The following PTGIR variants were observed in gnomAD, a reference collection of about 807,000 sequenced individuals.
The protein encoded by PTGIR is prostacyclin receptor.
PTGIR carries 16 observed loss-of-function variants against 17.6 expected under a neutral mutation model. That is an observed-to-expected ratio of 0.91 (90% CI 0.61 to 1.38). The LOEUF (loss-of-function observed/expected upper bound fraction) is 1.38. Among genes scored for constraint, PTGIR ranks in the 40% most tolerant of loss-of-function variants. The pLI is 0.00. For missense variants in PTGIR, 532 were observed against 548.6 expected, an observed-to-expected ratio of 0.97 and a Z score of 0.30; for synonymous variants, 274 against 255.4, an observed-to-expected ratio of 1.07 and a Z score of -0.69.
chr19:46,617,123 GA>G (rs1599766634), downstream of PTGIR, among the ~76,000 whole-genome samples: 1 of 152,234 alleles, frequency 6.6e-6, no homozygotes, highest in Non-Finnish European at 1.5e-5. Flanking sequence ...CGGCCTCTTT[GA>G]GGAAACCGCA....
At chr19:46,619,604 GGAAAGAAAGAAA>G (rs200994043), downstream of PTGIR, among the ~76,000 whole-genome samples, 64 of 67,246 alleles carry the variant, frequency 9.5e-4, no homozygotes, top group Non-Finnish European at 1.3e-3. Context: ...AAGAAAGAAA[GGAAAGAAAGAAA>G]GAAAGAAAGA....
In PTGIR at chr19:46,623,904, G is replaced by C. The variant is rs202233219; in HGVS notation, c.322C>G (p.Leu108Val). 2 of 1,609,360 alleles carry C rather than the reference G, an allele frequency of 1.2e-6. No individual in the cohort carries two copies. Among genetic ancestry groups the C allele is most frequent in the South Asian group, 2.2e-5 (2 of 90,520 alleles). ...AMTFFGLASMLILFAMAVERC... is the reference protein window; with the variant it reads ...AMTFFGLASMVILFAMAVERC... ...TCCACGGCCATGGCAAAGAGGATGA[G>C]CATGGACGCCAGGCCGAAGAAGGTC... Residue 108 changes from leucine to valine, a missense_variant, in exon 2 of 3, where the codon CTC becomes GTC. Leu to Val is a conservative substitution (Grantham distance 32). Coordinates refer to ENST00000291294, the MANE Select transcript of PTGIR (RefSeq NM_000960.4).
At chr19:46,619,551 G>GAAAGAAAGAAAGAAAGAA (rs1568675534), downstream of PTGIR, among the ~76,000 whole-genome samples, 7 of 66,596 alleles carry the variant, frequency 1.1e-4, no homozygotes, top group Non-Finnish European at 1.8e-4. Context: ...GAAAGAAAGA[G>GAAAGAAAGAAAGAAAGAA]AGAGAGAGAG....
At chr19:46,613,367 T>TC in the PTGIR span, among the ~76,000 whole-genome samples, 6 of 8,832 alleles carry the variant, frequency 6.8e-4, no homozygotes, top group East Asian at 3.5e-3. Context: ...TGCCCCCCCT[T>TC]CCCCCCCAGC....
At chr19:46,619,600 G>GAA (rs771737004), downstream of PTGIR, among the ~76,000 whole-genome samples, 9 of 101,746 alleles carry the variant, frequency 8.8e-5, no homozygotes, top group African/African-American at 3.7e-4. Flanking sequence ...AGAAAAGAAA[G>GAA]AAAGGAAAGA....
the PTGIR span, among the ~76,000 whole-genome samples, chr19:46,615,134 A>ACCT: frequency 6.6e-6 from 1 of 152,150 alleles, no homozygotes; most frequent in Non-Finnish European, 1.5e-5. Flanking sequence ...GGTTGCAGTG[A>ACCT]GCCGAGATTG....
At chr19:46,614,351 C>T in the PTGIR span, 1 of 982,784 alleles carries the variant, frequency 1.0e-6, no homozygotes, top group African/African-American at 1.7e-5. Flanking sequence ...AACTCCCAGG[C>T]CCAGCCCACG....
At chr19:46,619,517 GAAAGAAAGAAAGAAAGAA>G (rs1568675273), downstream of PTGIR, among the ~76,000 whole-genome samples, 25 of 64,218 alleles carry the variant, frequency 3.9e-4, 1 homozygote, top group Admixed American at 8.3e-4. Context: ...AAGAAAGAAA[GAAAGAAAGAAAGAAAGAA>G]AGAAAGAAAG....
the PTGIR span, among the ~76,000 whole-genome samples, chr19:46,615,149 A>G: frequency 6.6e-6 from 1 of 152,240 alleles, no homozygotes; most frequent in South Asian, 2.1e-4. Context: ...AGATTGTGCC[A>G]CTGCACACTT....
At position 46,621,091 on chromosome 19, in the gene PTGIR, C is replaced by T. The variant is rs201005621; in HGVS notation, c.*189G>A. 2.3e-5 allele frequency: 29 copies of T among 1,276,554 alleles called. No homozygotes were observed. In the East Asian group the frequency reaches 3.9e-4, roughly 17 times the overall value. 79.1% of individuals were successfully genotyped at this position (1,276,554 alleles called of 1,614,324 possible). On this transcript the variant is annotated 3_prime_UTR_variant, in exon 3 of 3. Coordinates refer to ENST00000291294, the MANE Select transcript of PTGIR (RefSeq NM_000960.4). The surrounding 1 kb of genome is among the most constrained non-coding windows in gnomAD (Gnocchi z 4.8). ...CATTCTTTCTGCACTCCAGGATAAACGTTTCCTCTGTCCCTCACTCTCTTC... is the reference window on the plus strand; with the variant it reads ...CATTCTTTCTGCACTCCAGGATAAATGTTTCCTCTGTCCCTCACTCTCTTC...
intron 2 of PTGIR, 86 bp downstream of exon 2, chr19:46,623,372 T>G: frequency 7.1e-7 from 1 of 1,400,352 alleles, no homozygotes; most frequent in East Asian, 2.6e-5. Context: ...CTTTTGAGCC[T>G]CAGTCTCCCC....
downstream of PTGIR, among the ~76,000 whole-genome samples, chr19:46,617,859 T>C (rs1360337831): frequency 1.3e-5 from 2 of 151,284 alleles, no homozygotes; most frequent in East Asian, 1.9e-4. Flanking sequence ...TTTTTTTTTT[T>C]CTTTGAGGCA....
In PTGIR at chr19:46,621,077, C is replaced by A; in HGVS notation, c.*203G>T. ...TATTTTGAGAGAACCATTCTTTCTGCACTCCAGGATAAACGTTTCCTCTGT... is the reference window on the plus strand; with the variant it reads ...TATTTTGAGAGAACCATTCTTTCTGAACTCCAGGATAAACGTTTCCTCTGT... On this transcript the variant is annotated 3_prime_UTR_variant, in exon 3 of 3. Transcript: ENST00000291294. This position sits in a 1 kb window ranked among gnomAD's most constrained non-coding sequence, Gnocchi z 4.8. 1.6e-6 allele frequency: 2 copies of A among 1,259,340 alleles called. No homozygotes were observed. Among genetic ancestry groups the A allele is most frequent in the Non-Finnish European group, 2.0e-6 (2 of 1,003,542 alleles). 78.0% of individuals were successfully genotyped at this position (1,259,340 alleles called of 1,614,324 possible).
downstream of PTGIR, among the ~76,000 whole-genome samples, chr19:46,618,175 C>T (rs1472022339): frequency 3.3e-5 from 5 of 152,048 alleles, 1 homozygote; most frequent in Admixed American, 2.0e-4. Flanking sequence ...CCACCACGCC[C>T]GGCTAATTTT....
downstream of PTGIR, among the ~76,000 whole-genome samples, chr19:46,617,032 T>G (rs1326209860): frequency 6.6e-6 from 1 of 152,198 alleles, no homozygotes. Context: ...GGCAAGGGTG[T>G]TTTTGACGGA....
At chr19:46,624,350 AC>A in intron 1 of PTGIR, 113 bp from the exon 2 acceptor site, 2 of 988,762 alleles carry the variant, frequency 2.0e-6, no homozygotes, top group Non-Finnish European at 2.8e-6. Context: ...CTCCCAGCCA[AC>A]CCCCAGTTCT....
At chr19:46,616,779 C>T (rs1299041353), downstream of PTGIR, among the ~76,000 whole-genome samples, 2 of 152,240 alleles carry the variant, frequency 1.3e-5, no homozygotes, top group South Asian at 2.1e-4. Context: ...CCCCACCAAA[C>T]TGAGCTACGG....
At chr19:46,610,830 C>T in the PTGIR span, 1 of 152,784 alleles carries the variant, frequency 6.5e-6, no homozygotes, top group Non-Finnish European at 1.5e-5. Context: ...CCCCCTCCAA[C>T]ACACATACAC....
rs1211262128 is a variant in PTGIR, at chr19:46,621,842, A to G, written c.769-170T>C. ...TGTATCTGGGGAACACAGGGAGAGAAAGCCCCAGGAAATTGCCAGAGATGC... is the reference window on the plus strand; with the variant it reads ...TGTATCTGGGGAACACAGGGAGAGAGAGCCCCAGGAAATTGCCAGAGATGC... On this transcript the variant is annotated intron_variant, in intron 2 of 2. Transcript: ENST00000291294. The surrounding 1 kb of genome is among the most constrained non-coding windows in gnomAD (Gnocchi z 4.8). 7.2e-7 allele frequency: 1 copy of G among 1,384,196 alleles called. No individual in the cohort carries two copies. The highest frequency in any genetic ancestry group is 9.3e-7 in the Non-Finnish European group (1 of 1,071,922). The allele number at this position is 1,384,196 out of a possible 1,614,324, so 85.7% of individuals were successfully genotyped here. A position where few individuals can be genotyped will look rare whatever the true frequency, so the allele number is the denominator to read the frequency against.
Sources: allele counts gnomAD v4.1 joint callset (sites outside exome capture counted in the v4.1 genomes callset), GRCh38; gene constraint gnomAD v4.1.1; non-coding constraint Gnocchi (gnomAD v3.1); transcripts MANE v1.5; gene names NCBI Gene and HGNC (gene_info 2026-07-23, HGNC 2026-07-21).